The following ARHGAP17 variants were observed in gnomAD, a reference collection of about 807,000 sequenced individuals.
ARHGAP17 encodes Rho GTPase activating protein 17, also known as rho GTPase-activating protein 17.
Under a neutral mutation model 99.5 loss-of-function variants are expected in ARHGAP17, and 57 were observed. The ratio of observed to expected loss-of-function variants is 0.57; its 90% CI spans 0.46 to 0.71. The LOEUF is 0.71. ARHGAP17 is among the 30% of genes least tolerant of loss of function. The probability of loss-of-function intolerance (pLI) is 0.00; values close to 1 mark genes in which losing one functional copy is unlikely to be tolerated. For missense variants in ARHGAP17, 1,000 were observed against 1,122.4 expected, an observed-to-expected ratio of 0.89 and a Z score of 1.56; for synonymous variants, 417 against 429.6, an observed-to-expected ratio of 0.97 and a Z score of 0.36.
At chr16:24,926,901 C>T (rs986136706) in intron 19 of ARHGAP17, among the ~76,000 whole-genome samples, 2 of 152,138 alleles carry the variant, frequency 1.3e-5, no homozygotes, top group African/African-American at 2.4e-5. Context: ...CGGGTCCGGG[C>T]GTATGAGTTT....
At chr16:24,980,893 A>T (rs2052655395) in intron 1 of ARHGAP17, among the ~76,000 whole-genome samples, 1 of 152,210 alleles carries the variant, frequency 6.6e-6, no homozygotes, top group Non-Finnish European at 1.5e-5. Context: ...TTCCTTCTGT[A>T]AGTACGAGTA....
rs148365248 is a variant in ARHGAP17, at chr16:24,960,267, G to A, written c.574-288C>T. Among the ~76,000 whole-genome samples the A allele has an allele frequency of 6.8e-3, 1,042 of 152,302 alleles. 18 individuals carry two copies. The highest frequency in any genetic ancestry group is 0.023 in the African/African-American group (973 of 41,568). ...GGGTTAAAAAAGGGGTGGAATGGCC[G>A]GGCACGATGGCTCATGCCTGTAATC... On this transcript the variant is annotated intron_variant, in intron 7 of 19. Transcript: ENST00000289968.
At chr16:24,959,581 C>T (rs1299830205) in intron 9 of ARHGAP17, 90 bp downstream of exon 9, 13 of 1,227,232 alleles carry the variant, frequency 1.1e-5, no homozygotes, top group African/African-American at 1.5e-5. Flanking sequence ...ATCCCAAGGA[C>T]GTGCATGCAG....
At chr16:24,965,547 A>C (rs752920942) in intron 6 of ARHGAP17, among the ~76,000 whole-genome samples, 46 of 152,196 alleles carry the variant, frequency 3.0e-4, no homozygotes, top group Non-Finnish European at 4.1e-4. Context: ...GCAGTGCCCC[A>C]AAATGCTATG....
intron 1 of ARHGAP17, among the ~76,000 whole-genome samples, chr16:25,003,970 T>C (rs145221734): frequency 6.0e-4 from 91 of 152,272 alleles, no homozygotes; most frequent in African/African-American, 2.0e-3. Flanking sequence ...ATAGAAGAGC[T>C]GGAGAGAGTT....
At chr16:24,943,457 A>G (rs1298885889) in intron 15 of ARHGAP17, among the ~76,000 whole-genome samples, 1 of 152,154 alleles carries the variant, frequency 6.6e-6, no homozygotes, top group African/African-American at 2.4e-5. Context: ...TTATCTGTTC[A>G]TGTGGCCATC....
chr16:24,935,842 C>A, intron 17 of ARHGAP17: 1 of 621,800 alleles, frequency 1.6e-6, no homozygotes, highest in Non-Finnish European at 2.8e-6. Context: ...TACTTGGTGC[C>A]ATTTTTTTTT....
At chr16:24,947,700 A>G in intron 13 of ARHGAP17, 105 bp from the exon 14 acceptor site, 1 of 862,222 alleles carries the variant, frequency 1.2e-6, no homozygotes, top group Non-Finnish European at 1.9e-6. Flanking sequence ...TGCTAACTGC[A>G]GAGGGTTCCT....
intron 7 of ARHGAP17, among the ~76,000 whole-genome samples, chr16:24,960,739 C>T (rs1004600228): frequency 2.6e-4 from 39 of 150,714 alleles, no homozygotes; most frequent in Non-Finnish European, 4.9e-4. Context: ...ATGGTGTGAA[C>T]CCGGGAGGCA....
intron 12 of ARHGAP17, among the ~76,000 whole-genome samples, chr16:24,950,710 G>A (rs751557971): frequency 6.6e-5 from 10 of 151,802 alleles, no homozygotes; most frequent in Non-Finnish European, 1.3e-4. Flanking sequence ...GGTGGTGTGC[G>A]CCTGTAATCC....
At chr16:24,947,069 T>C (rs369770628) in intron 14 of ARHGAP17, among the ~76,000 whole-genome samples, 1 of 152,222 alleles carries the variant, frequency 6.6e-6, no homozygotes. Flanking sequence ...CATTAAAATG[T>C]AAAAATCTGT....
At chr16:24,932,789 G>A (rs1410048186) in intron 18 of ARHGAP17, among the ~76,000 whole-genome samples, 1 of 151,960 alleles carries the variant, frequency 6.6e-6, no homozygotes, top group East Asian at 1.9e-4. Flanking sequence ...CTGGGGCTCT[G>A]GTTTTGGGCT....
chr16:24,941,073 G>A (rs913173293), intron 16 of ARHGAP17, among the ~76,000 whole-genome samples: 1 of 152,194 alleles, frequency 6.6e-6, no homozygotes, highest in African/African-American at 2.4e-5. Context: ...CGTCTGCATA[G>A]AATAAATGTG....
intron 14 of ARHGAP17, among the ~76,000 whole-genome samples, chr16:24,944,854 G>T (rs766748113): frequency 3.3e-5 from 5 of 151,744 alleles, no homozygotes; most frequent in Non-Finnish European, 7.4e-5. Flanking sequence ...CTGACCTTGT[G>T]ATCTGCCCGT....
At chr16:24,939,273 C>T in intron 17 of ARHGAP17, 91 bp downstream of exon 17, 1 of 1,216,262 alleles carries the variant, frequency 8.2e-7, no homozygotes, top group African/African-American at 1.5e-5. Flanking sequence ...TGGAGCAGTT[C>T]TTTGGGCATG....
chr16:24,936,992 T>A (rs1457003835), intron 17 of ARHGAP17, among the ~76,000 whole-genome samples: 1 of 150,454 alleles, frequency 6.6e-6, no homozygotes, highest in African/African-American at 2.5e-5. Context: ...GGGGATGCAC[T>A]ACTATAGTCC....
At chr16:24,998,398 G>A (rs955136535) in intron 1 of ARHGAP17, among the ~76,000 whole-genome samples, 5 of 152,156 alleles carry the variant, frequency 3.3e-5, no homozygotes, top group East Asian at 1.9e-4. Context: ...AGGTGGCGGG[G>A]CCTTGGACAG....
At chr16:24,993,605 A>G (rs917538598) in intron 1 of ARHGAP17, among the ~76,000 whole-genome samples, 2 of 148,454 alleles carry the variant, frequency 1.3e-5, no homozygotes, top group Non-Finnish European at 3.0e-5. Flanking sequence ...AAAAAAAAAA[A>G]GTAACGGGCA....
At chr16:24,977,647 G>A (rs146700744) in intron 2 of ARHGAP17, among the ~76,000 whole-genome samples, 4 of 152,202 alleles carry the variant, frequency 2.6e-5, no homozygotes, top group East Asian at 1.9e-4. Flanking sequence ...CAAAATAAAC[G>A]TTCCACAATT....
Sources: gnomAD v4.1 joint callset for allele counts (sites outside exome capture counted in the v4.1 genomes callset) on GRCh38, gnomAD v4.1.1 for gene constraint, MANE v1.5 for transcripts, NCBI Gene and HGNC (gene_info 2026-07-23, HGNC 2026-07-21) for gene names.